EMILIN3: variants seen among roughly 807,000 people sequenced by gnomAD.
EMILIN3 encodes elastin microfibril interfacer 3, also known as EMILIN-3.
EMILIN3 carries 38 observed loss-of-function variants against 42.8 expected under a neutral mutation model. The ratio of observed to expected loss-of-function variants is 0.89; its 90% CI spans 0.69 to 1.16. The LOEUF is 1.16. Ranked by LOEUF, EMILIN3 falls within the 50% of genes most tolerant of loss-of-function variation. The pLI is 0.00. For synonymous variants in EMILIN3, 430 were observed against 440.5 expected, an observed-to-expected ratio of 0.98 and a Z score of 0.30; for missense variants, 924 against 999.5, an observed-to-expected ratio of 0.92 and a Z score of 1.02.
Position 41,361,937 on chromosome 20 carries a change from G to C in EMILIN3, c.1632C>G (p.Ser544Arg), listed in dbSNP as rs781728666. ...VAEVKAWQSRSEALLRQVASH... is the reference protein window; with the variant it reads ...VAEVKAWQSRREALLRQVASH... ...TGGCCACCTGGCGTAGGAGGGCCTC[G>C]CTCCGGCTCTGCCAGGCCTTCACCT... Residue 544 changes from serine (S) to arginine (R), a missense_variant, in exon 4 of 4, where the codon AGC becomes AGG. Physicochemically the swap from Ser to Arg is moderately radical, Grantham distance 110. Coordinates refer to ENST00000332312, the MANE Select transcript of EMILIN3 (RefSeq NM_052846.2). 1 of 1,612,552 alleles carries C rather than the reference G, an allele frequency of 6.2e-7. No homozygotes were observed. Among genetic ancestry groups the C allele is most frequent in the Non-Finnish European group, 8.5e-7 (1 of 1,179,736 alleles).
Position 41,361,353 on chromosome 20 carries a change from G to A in EMILIN3, c.2216C>T (p.Thr739Met), listed in dbSNP as rs772799961. Residue 739 changes from threonine (T) to methionine (M), a missense_variant, in exon 4 of 4, where the codon ACG (threonine) becomes ATG (methionine). By Grantham distance (81) the Thr-to-Met change is moderately conservative. Coordinates refer to ENST00000332312, the MANE Select transcript of EMILIN3 (RefSeq NM_052846.2). ...ATCCCGGAGGCGGGCAATGTCCTGC[G>A]TGTGCTGGGCCAGCGTACGATTCAG... ...DQLNRTLAQH[T>M]QDIARLRDDL... The A allele has an allele frequency of 6.2e-6, 10 of 1,612,780 alleles. No individual in the cohort carries two copies. The highest frequency in any genetic ancestry group is 2.7e-5 in the African/African-American group (2 of 74,930).
chr20:41,361,361 G>A lies in EMILIN3; in HGVS notation c.2208C>T (p.Ala736=). Residue 736 remains alanine (A), a synonymous_variant, in exon 4 of 4, where the codon GCC becomes GCT. Coordinates refer to ENST00000332312, the MANE Select transcript of EMILIN3 (RefSeq NM_052846.2). ...SHVDQLNRTL[A]QHTQDIARLR... ...GGCGGGCAATGTCCTGCGTGTGCTGGGCCAGCGTACGATTCAGCTGGTCCA... is the reference window on the plus strand; with the variant it reads ...GGCGGGCAATGTCCTGCGTGTGCTGAGCCAGCGTACGATTCAGCTGGTCCA... 6.2e-6 allele frequency: 10 copies of A among 1,612,956 alleles called. No individual in the cohort carries two copies. The African/African-American group carries it at 6.7e-5, about 11-fold the overall frequency.
intron 2 of EMILIN3, 147 bp downstream of exon 2, chr20:41,364,888 G>A (rs373554938): frequency 1.4e-5 from 17 of 1,219,588 alleles, no homozygotes; most frequent in Admixed American, 5.0e-5. Context: ...TTCTGGGGCC[G>A]CCTTCTACTC....
At chr20:41,363,555 G>T in intron 3 of EMILIN3, 83 bp downstream of exon 3, 1 of 1,374,376 alleles carries the variant, frequency 7.3e-7, no homozygotes. Flanking sequence ...AGCTCAGCCA[G>T]CCTGGGATCA....
At position 41,360,932 on chromosome 20, in the gene EMILIN3, G is replaced by GC; in HGVS notation, c.*335dup. ...TACGGACACTGATCAAGGCCAGTTT[G>GC]CCACAGCAGCTGCCCCTGCCAGCCA... On this transcript the variant is annotated 3_prime_UTR_variant, in exon 4 of 4. Coordinates refer to ENST00000332312, the MANE Select transcript of EMILIN3 (RefSeq NM_052846.2). 2 of 376,546 alleles carry GC rather than the reference G, an allele frequency of 5.3e-6. No individual in the cohort carries two copies. Among genetic ancestry groups the GC allele is most frequent in the Non-Finnish European group, 4.9e-6 (1 of 205,846 alleles). The allele number at this position is 376,546 out of a possible 1,614,324, so 23.3% of individuals were successfully genotyped here.
rs2046345825 is a variant in EMILIN3 at position 41,360,416 on chromosome 20, C to A, written c.*852G>T. On this transcript the variant is annotated 3_prime_UTR_variant, in exon 4 of 4. Coordinates refer to ENST00000332312, the MANE Select transcript of EMILIN3 (RefSeq NM_052846.2). ...TGGAAGGAAGAGGACAGTGTGGGCA[C>A]CAGAGGGCCCTGGAAACATCTTAGG... 6.6e-6 allele frequency: 1 copy of A among 152,418 alleles called. No individual in the cohort carries two copies. Among genetic ancestry groups the A allele is most frequent in the Non-Finnish European group, 1.5e-5 (1 of 68,094 alleles). 9.4% of individuals were successfully genotyped at this position (152,418 alleles called of 1,614,324 possible). A position where few individuals can be genotyped will look rare whatever the true frequency, so the allele number is the denominator to read the frequency against.
At chr20:41,363,922 G>T in intron 2 of EMILIN3, 61 bp from the exon 3 acceptor site, 1 of 1,549,946 alleles carries the variant, frequency 6.5e-7, no homozygotes, top group Non-Finnish European at 8.9e-7. Context: ...TCTCCCCCTA[G>T]CTGGCACTCA....
Position 41,362,310 on chromosome 20 carries a change from A to AGCTCATCCCCGGCCGGG in EMILIN3, c.1242_1258dup (p.Leu420ProfsTer41). 6.2e-7 allele frequency: 1 copy of AGCTCATCCCCGGCCGGG among 1,612,752 alleles called. No homozygotes were observed. The highest frequency in any genetic ancestry group is 2.2e-5 in the East Asian group (1 of 44,784). On this transcript the variant is annotated frameshift_variant, in exon 4 of 4. Coordinates refer to ENST00000332312, the MANE Select transcript of EMILIN3 (RefSeq NM_052846.2). LOFTEE classifies it high-confidence loss of function. The stretch of plus-strand genomic sequence containing the variant: ...GAGCATGGCAGCAGAGAGCCTCGTA[A>AGCTCATCCCCGGCCGGG]GCTCATCCCCGGCCGGGGCACCGGG...
Position 41,362,561 on chromosome 20 carries a change from C to G in EMILIN3, c.1008G>C (p.Glu336Asp), listed in dbSNP as rs2046370933. The G allele has an allele frequency of 1.2e-6, 2 of 1,600,016 alleles. No individual in the cohort carries two copies. The highest frequency in any genetic ancestry group is 1.7e-5 in the Admixed American group (1 of 59,770). Reference sequence around the variant, plus strand: ...GACCCTCCTCACATTGCCGCCGTACCTCCTGCACCCGCAGGTCACACTCAC... The same window carrying G: ...GACCCTCCTCACATTGCCGCCGTACGTCCTGCACCCGCAGGTCACACTCAC... ...VQSECDLRVQ[E>D]VRRQCEEGQA... The change falls in exon 4 of 4, where the codon GAG becomes GAC. Residue 336 changes from glutamate (E) to aspartate (D), a missense_variant. Coordinates refer to ENST00000332312, the MANE Select transcript of EMILIN3 (RefSeq NM_052846.2).
chr20:41,363,590 A>G, intron 3 of EMILIN3, 48 bp downstream of exon 3: 1 of 1,536,220 alleles, frequency 6.5e-7, no homozygotes, highest in Non-Finnish European at 8.8e-7. Context: ...CCTGCCACTG[A>G]GCCCAAGAAA....
intron 3 of EMILIN3, 139 bp from the exon 4 acceptor site, chr20:41,363,193 T>C: frequency 1.3e-6 from 1 of 760,862 alleles, no homozygotes; most frequent in Non-Finnish European, 2.0e-6. Flanking sequence ...CAGGCTGGAG[T>C]GCAGTGGTGT....
Position 41,361,236 on chromosome 20 carries a change from G to C in EMILIN3, c.*32C>G, listed in dbSNP as rs756228532. On this transcript the variant is annotated 3_prime_UTR_variant, in exon 4 of 4. Transcript: ENST00000332312. ...CTGGGGTGATGTTCCCCGAGTTGGT[G>C]GGATCTAGGGGTTGGGTCCTGGCCA... 6.5e-7 allele frequency: 1 copy of C among 1,531,822 alleles called. No homozygotes were observed. The highest frequency in any genetic ancestry group is 8.8e-7 in the Non-Finnish European group (1 of 1,130,898). 94.9% of individuals were successfully genotyped at this position (1,531,822 alleles called of 1,614,324 possible). A position where few individuals can be genotyped will look rare whatever the true frequency, so the allele number is the denominator to read the frequency against.
At position 41,361,417 on chromosome 20, in the gene EMILIN3, G is replaced by C. The variant is rs556076082; in HGVS notation, c.2152C>G (p.Leu718Val). The change falls in exon 4 of 4, where the codon CTG (leucine) becomes GTG (valine). Residue 718 changes from leucine (L) to valine (V), a missense_variant. Transcript: ENST00000332312. ...CTCCACAGGCCCTCTCTGGGCCTCA[G>C]TGGCTCAGTGGGCAAGCTGTCCAGG... ...AGLDSLPTEPLRPREGLWSHV... is the reference protein window; with the variant it reads ...AGLDSLPTEPVRPREGLWSHV... 1.3e-5 allele frequency: 21 copies of C among 1,611,236 alleles called. No individual in the cohort carries two copies. The East Asian group carries it at 4.5e-4, about 34-fold the overall frequency.
Position 41,361,503 on chromosome 20 carries a change from A to C in EMILIN3, c.2066T>G (p.Phe689Cys). 6.2e-7 allele frequency: 1 copy of C among 1,610,644 alleles called. No individual in the cohort carries two copies. Among genetic ancestry groups the C allele is most frequent in the Non-Finnish European group, 8.5e-7 (1 of 1,177,926 alleles). Residue 689 changes from phenylalanine (F) to cysteine (C), a missense_variant, in exon 4 of 4, where the codon TTT becomes TGT. Physicochemically the swap from Phe to Cys is radical, Grantham distance 205 (BLOSUM62 -2). Transcript: ENST00000332312. ...CTCCACTTGTGCCACCCGCTGGTCA[A>C]AGTGTCCCACTGTGTGCTGAAGTTT... is the stretch of plus-strand genomic sequence containing the variant. ...AQKLQHTVGH[F>C]DQRVAQVEGA... is the part of the protein sequence containing the mutation.
chr20:41,363,635 C>T lies in EMILIN3; in HGVS notation c.514+3G>A. The T allele has an allele frequency of 3.1e-6, 5 of 1,603,802 alleles. No homozygotes were observed. The highest frequency in any genetic ancestry group is 4.3e-6 in the Non-Finnish European group (5 of 1,173,930). On this transcript the variant is annotated splice_donor_region_variant and intron_variant, in intron 3 of 3. Transcript: ENST00000332312. ...CTTGGAGGGTCTCCTTGGGCAGACT[C>T]ACCATGAGGGCTGGGGGCTGCTCTG...
At chr20:41,365,896 T>C (rs898815653) in intron 1 of EMILIN3, among the ~76,000 whole-genome samples, 3 of 152,150 alleles carry the variant, frequency 2.0e-5, no homozygotes, top group African/African-American at 7.2e-5. Flanking sequence ...GGTGGCTGCC[T>C]GGCATAAGCC....
chr20:41,365,198 G>T (rs149931978), intron 1 of EMILIN3, 41 bp from the exon 2 acceptor site: 1 of 1,606,126 alleles, frequency 6.2e-7, no homozygotes, highest in Non-Finnish European at 8.5e-7. Context: ...CTGGCTGAGC[G>T]AGGCCCACAG....
intron 2 of EMILIN3, 28 bp from the exon 3 acceptor site, chr20:41,363,889 A>G (rs772645984): frequency 1.9e-6 from 3 of 1,602,128 alleles, no homozygotes; most frequent in Non-Finnish European, 2.6e-6. Flanking sequence ...AGAGAGTGGG[A>G]TCCTGCACCT....
Position 41,362,083 on chromosome 20 carries a change from C to T in EMILIN3, c.1486G>A (p.Gly496Ser). The T allele has an allele frequency of 6.2e-7, 1 of 1,607,184 alleles. No individual in the cohort carries two copies. The highest frequency in any genetic ancestry group is 8.5e-7 in the Non-Finnish European group (1 of 1,174,544). Residue 496 changes from glycine to serine, a missense_variant, in exon 4 of 4, where the codon GGC (glycine) becomes AGC (serine). Physicochemically the swap from Gly to Ser is moderately conservative, Grantham distance 56. Transcript: ENST00000332312. The stretch of plus-strand genomic sequence containing the variant: ...TGTACAAGGGGCCGAGCTGACCTGC[C>T]CGGAGAGGCGCTGTCATGGCTTAGC... ...GELSHDSASP[G>S]RSARPLVQTE...
Sources: gnomAD v4.1 joint callset for allele counts (sites outside exome capture counted in the v4.1 genomes callset) on GRCh38, gnomAD v4.1.1 for gene constraint, MANE v1.5 for transcripts, NCBI Gene and HGNC (gene_info 2026-07-23, HGNC 2026-07-21) for gene names.